ATP8A2: variants seen among roughly 807,000 people sequenced by gnomAD.
The protein encoded by ATP8A2 is phospholipid-transporting ATPase IB.
Under a neutral mutation model 165.6 loss-of-function variants are expected in ATP8A2, and 100 were observed. The ratio of observed to expected loss-of-function variants is 0.60; its 90% confidence interval spans 0.51 to 0.71. ATP8A2 has a LOEUF of 0.71. Ranked by LOEUF, ATP8A2 falls within the 30% of genes least tolerant of loss-of-function variation. ATP8A2 has a pLI of 0.00. For missense variants in ATP8A2, 1,227 were observed against 1,479.5 expected, an observed-to-expected ratio of 0.83 and a Z score of 2.80; for synonymous variants, 543 against 548.8, an observed-to-expected ratio of 0.99 and a Z score of 0.15.
chr13:25,372,103 C>A lies in ATP8A2; in HGVS notation c.-110C>A. ...CCGGCGGTCCCCGCCAGCTAGCAGCCCGGCGAGGCGCTGGCCCACCCATGG... is the reference window on the plus strand; with the variant it reads ...CCGGCGGTCCCCGCCAGCTAGCAGCACGGCGAGGCGCTGGCCCACCCATGG... On this transcript the variant is annotated 5_prime_UTR_variant, in exon 1 of 37. Transcript: ENST00000381655. This position sits in a 1 kb window ranked among gnomAD's most constrained non-coding sequence, Gnocchi z 4.8. 1 of 730,966 alleles carries A rather than the reference C, an allele frequency of 1.4e-6. No homozygotes were observed. Among genetic ancestry groups the A allele is most frequent in the South Asian group, 6.3e-5 (1 of 15,900 alleles). 45.3% of individuals were successfully genotyped at this position (730,966 alleles called of 1,614,324 possible).
intron 27 of ATP8A2, among the ~76,000 whole-genome samples, chr13:25,817,881 C>G (rs1310516156): frequency 6.6e-6 from 1 of 152,052 alleles, no homozygotes; most frequent in Admixed American, 6.6e-5. Flanking sequence ...GGGTCTCACT[C>G]TGTTGCCCAG....
At position 25,727,719 on chromosome 13, in the gene ATP8A2, G is replaced by T. The variant is rs186938899; in HGVS notation, c.2384+28374G>T. Reference sequence around the variant, plus strand: ...GTAATTGTAGATTAACTTTTATAGAGAAAATATTTTTTCAAGCCAGATATG... The same window carrying T: ...GTAATTGTAGATTAACTTTTATAGATAAAATATTTTTTCAAGCCAGATATG... On this transcript the variant is annotated intron_variant, in intron 25 of 36. Transcript: ENST00000381655. Among the ~76,000 whole-genome samples, 311 of 152,294 alleles carry T rather than the reference G, an allele frequency of 2.0e-3. 1 individual carries two copies. Among genetic ancestry groups the T allele is most frequent in the Non-Finnish European group, 2.9e-3 (198 of 68,022 alleles).
At chr13:25,597,370 T>C (rs2040263684) in intron 24 of ATP8A2, among the ~76,000 whole-genome samples, 1 of 152,224 alleles carries the variant, frequency 6.6e-6, no homozygotes, top group Admixed American at 6.5e-5. Context: ...ATGGCAAAGG[T>C]AATGGAATGT....
At chr13:25,892,061 A>G (rs1260041518) in intron 33 of ATP8A2, among the ~76,000 whole-genome samples, 1 of 150,128 alleles carries the variant, frequency 6.7e-6, no homozygotes, top group African/African-American at 2.5e-5. Flanking sequence ...ATCTTGGCTC[A>G]CTGCAAGCTC....
At chr13:25,655,360 A>G (rs942201428) in intron 24 of ATP8A2, among the ~76,000 whole-genome samples, 2 of 152,230 alleles carry the variant, frequency 1.3e-5, no homozygotes, top group South Asian at 2.1e-4. Context: ...GGGTTTTGCC[A>G]TGTTGGCCAG....
intron 24 of ATP8A2, among the ~76,000 whole-genome samples, chr13:25,641,949 C>T (rs1278954339): frequency 3.3e-5 from 5 of 152,098 alleles, no homozygotes; most frequent in Non-Finnish European, 7.4e-5. Context: ...TAATACCACA[C>T]CTCTACAACC....
chr13:25,821,720 T>C (rs1444144774), intron 27 of ATP8A2, among the ~76,000 whole-genome samples: 1 of 152,218 alleles, frequency 6.6e-6, no homozygotes, highest in Non-Finnish European at 1.5e-5. Flanking sequence ...TTTTGGACTA[T>C]ATGATTTTTT....
At chr13:25,463,093 A>T (rs2035547306) in intron 1 of ATP8A2, among the ~76,000 whole-genome samples, 1 of 147,066 alleles carries the variant, frequency 6.8e-6, no homozygotes. Context: ...TGGCTGGTGT[A>T]GGAAGGAAGA....
chr13:25,628,794 T>C (rs67859870), intron 24 of ATP8A2, among the ~76,000 whole-genome samples: 18,359 of 152,250 alleles, frequency 0.12, 1,420 homozygotes, highest in Non-Finnish European at 0.18. Context: ...CCCTGAAGAT[T>C]TCATCTTAAC....
At chr13:25,840,820 T>C (rs1951733277) in intron 30 of ATP8A2, among the ~76,000 whole-genome samples, 1 of 152,200 alleles carries the variant, frequency 6.6e-6, no homozygotes, top group African/African-American at 2.4e-5. Context: ...TGATGGGAAA[T>C]GGTATGTCTG....
intron 25 of ATP8A2, among the ~76,000 whole-genome samples, chr13:25,719,811 C>T (rs1052765119): frequency 2.0e-5 from 3 of 152,188 alleles, no homozygotes; most frequent in African/African-American, 7.2e-5. Context: ...AGCTTGCTGG[C>T]CTGACTGGCA....
chr13:25,927,071 A>G (rs1185154969), intron 33 of ATP8A2: 1 of 451,620 alleles, frequency 2.2e-6, no homozygotes, highest in African/African-American at 2.0e-5. Context: ...TTTGCCTCCT[A>G]CCCAGTCTTC....
intron 25 of ATP8A2, among the ~76,000 whole-genome samples, chr13:25,767,591 G>A (rs545863216): frequency 6.6e-6 from 1 of 152,324 alleles, no homozygotes; most frequent in African/African-American, 2.4e-5. Context: ...AAATGACAGA[G>A]TTAGTACTCT....
intron 24 of ATP8A2, among the ~76,000 whole-genome samples, chr13:25,665,335 G>T (rs2042129872): frequency 6.6e-6 from 1 of 152,196 alleles, no homozygotes; most frequent in African/African-American, 2.4e-5. Flanking sequence ...GCACACACCT[G>T]TAGTCCCAGC....
intron 27 of ATP8A2, among the ~76,000 whole-genome samples, chr13:25,788,000 T>G (rs1043485316): frequency 5.9e-5 from 9 of 152,208 alleles, no homozygotes; most frequent in African/African-American, 2.2e-4. Flanking sequence ...TGGCTTTCCC[T>G]GGAACCACTC....
At chr13:25,722,425 G>T (rs1451858767) in intron 25 of ATP8A2, among the ~76,000 whole-genome samples, 8 of 152,180 alleles carry the variant, frequency 5.3e-5, no homozygotes, top group Non-Finnish European at 1.0e-4. Flanking sequence ...CCTGCATTTT[G>T]CTGGGGTTAC....
At chr13:25,865,397 A>G (rs1034792868) in intron 33 of ATP8A2, among the ~76,000 whole-genome samples, 6 of 152,236 alleles carry the variant, frequency 3.9e-5, no homozygotes, top group African/African-American at 1.4e-4. Context: ...AGTGCCTAAT[A>G]GCAAACAGCA....
At chr13:25,414,227 G>A (rs1342665088) in intron 1 of ATP8A2, among the ~76,000 whole-genome samples, 2 of 135,830 alleles carry the variant, frequency 1.5e-5, no homozygotes, top group Admixed American at 1.6e-4. Flanking sequence ...GTCTCGCTCT[G>A]TCGCCCAGGC....
intron 35 of ATP8A2, among the ~76,000 whole-genome samples, chr13:26,006,441 C>G (rs1409853315): frequency 1.3e-5 from 2 of 151,958 alleles, no homozygotes; most frequent in Non-Finnish European, 2.9e-5. Flanking sequence ...CATATAAGAT[C>G]ATGTCATGTA....
Sources: allele counts gnomAD v4.1 joint callset (sites outside exome capture counted in the v4.1 genomes callset), GRCh38; gene constraint gnomAD v4.1.1; non-coding constraint Gnocchi (gnomAD v3.1); transcripts MANE v1.5; gene names NCBI Gene and HGNC (gene_info 2026-07-23, HGNC 2026-07-21).